Variants in SNX29 observed in about 807,000 individuals in gnomAD.
SNX29 encodes the protein sorting nexin-29.
In SNX29, 78 loss-of-function variants were observed where a neutral mutation model predicts 102.1. The ratio of observed to expected loss-of-function variants is 0.76; its 90% CI spans 0.64 to 0.92. SNX29 has a LOEUF of 0.92. Ranked by LOEUF, SNX29 falls within the 40% of genes least tolerant of loss-of-function variation. The probability of loss-of-function intolerance (pLI) is 0.00; values close to 1 mark genes in which losing one functional copy is unlikely to be tolerated. For missense variants in SNX29, 1,280 were observed against 1,061.7 expected (o/e 1.21, Z -2.86); for synonymous variants, 580 against 414.5 (o/e 1.40, Z -4.85).
chr16:12,368,926 G>T (rs1392990826), intron 16 of SNX29, among the ~76,000 whole-genome samples: 3 of 152,158 alleles, frequency 2.0e-5, no homozygotes, highest in African/African-American at 7.2e-5. Context: ...CGGGTGCACA[G>T]ATATGGATTC....
chr16:12,438,450 C>T (rs938097052), intron 18 of SNX29, among the ~76,000 whole-genome samples: 1 of 152,202 alleles, frequency 6.6e-6, no homozygotes, highest in Non-Finnish European at 1.5e-5. Flanking sequence ...CAGCCCAGGA[C>T]CCCTTTACTC....
intron 20 of SNX29, among the ~76,000 whole-genome samples, chr16:12,564,769 T>A (rs2078922166): frequency 6.6e-6 from 1 of 151,842 alleles, no homozygotes; most frequent in Non-Finnish European, 1.5e-5. Flanking sequence ...GTGATTGGCT[T>A]TATGATTGCA....
At chr16:12,086,073 G>T (rs1241766793) in intron 11 of SNX29, among the ~76,000 whole-genome samples, 1 of 147,654 alleles carries the variant, frequency 6.8e-6, no homozygotes, top group Non-Finnish European at 1.5e-5. Flanking sequence ...GCGTGATCTC[G>T]GCTCAGTGCA....
intron 20 of SNX29, among the ~76,000 whole-genome samples, chr16:12,543,825 C>G (rs980346591): frequency 6.6e-6 from 1 of 152,208 alleles, no homozygotes; most frequent in African/African-American, 2.4e-5. Context: ...GACAGGGACA[C>G]CTTCGTATTT....
At chr16:12,489,013 C>T (rs7202077) in intron 19 of SNX29, among the ~76,000 whole-genome samples, 17 of 152,204 alleles carry the variant, frequency 1.1e-4, no homozygotes, top group African/African-American at 3.6e-4. Flanking sequence ...CTTGTATATC[C>T]TTATTTAGTC....
chr16:12,337,646 A>G (rs1471379783), intron 15 of SNX29, among the ~76,000 whole-genome samples: 6 of 152,144 alleles, frequency 3.9e-5, no homozygotes, highest in Admixed American at 2.6e-4. Context: ...CTAGTCACAT[A>G]TCTCACTTTG....
At chr16:12,532,118 C>T (rs968054783) in intron 20 of SNX29, among the ~76,000 whole-genome samples, 5 of 152,224 alleles carry the variant, frequency 3.3e-5, no homozygotes, top group Non-Finnish European at 1.5e-5. Context: ...TCTCATTAGT[C>T]AGGATTGCCT....
intron 16 of SNX29, among the ~76,000 whole-genome samples, chr16:12,363,106 G>A (rs2082353700): frequency 6.6e-6 from 1 of 152,204 alleles, no homozygotes; most frequent in African/African-American, 2.4e-5. Context: ...ATGGCCAGAA[G>A]GGAGGAGCAA....
At chr16:12,035,426 G>A (rs2057448236) in intron 4 of SNX29, among the ~76,000 whole-genome samples, 1 of 152,100 alleles carries the variant, frequency 6.6e-6, no homozygotes, top group African/African-American at 2.4e-5. Flanking sequence ...GTAAACTCTT[G>A]TAGGATGTGG....
chr16:12,222,509 G>C (rs926402512), intron 14 of SNX29, among the ~76,000 whole-genome samples: 2 of 152,204 alleles, frequency 1.3e-5, no homozygotes, highest in Non-Finnish European at 2.9e-5. Context: ...TTCTGGTGCA[G>C]GCAGGAAGAA....
Position 12,117,220 on chromosome 16 carries a change from T to C in SNX29, c.1403-9413T>C, listed in dbSNP as rs372448018. The stretch of plus-strand genomic sequence containing the variant: ...CGCGGATGAACCGTGGAAACAGGCA[T>C]GGTCAATACGTGCTTCAATGCGGAC... On this transcript the variant is annotated intron_variant, in intron 11 of 20. Coordinates refer to ENST00000566228, the MANE Select transcript of SNX29 (RefSeq NM_032167.5). Among the ~76,000 whole-genome samples the C allele has an allele frequency of 4.9e-3, 672 of 136,140 alleles. 8 individuals are homozygous for C. Among genetic ancestry groups the C allele is most frequent in the South Asian group, 0.01 (44 of 4,296 alleles). 89.3% of individuals were successfully genotyped at this position (136,140 alleles called of 152,430 possible). A position where few individuals can be genotyped will look rare whatever the true frequency, so the allele number is the denominator to read the frequency against.
intron 10 of SNX29, among the ~76,000 whole-genome samples, chr16:12,073,426 T>C (rs2051393514): frequency 6.6e-6 from 1 of 152,248 alleles, no homozygotes; most frequent in Admixed American, 6.5e-5. Context: ...CATTTCGTTA[T>C]GTACCCAGTA....
intron 17 of SNX29, among the ~76,000 whole-genome samples, 169 bp downstream of exon 17, chr16:12,398,670 C>A (rs575870736): frequency 6.6e-6 from 1 of 151,726 alleles, no homozygotes; most frequent in Non-Finnish European, 1.5e-5. Flanking sequence ...GCCTCAGTCT[C>A]GCCCTCAGAT....
intron 10 of SNX29, among the ~76,000 whole-genome samples, chr16:12,069,373 C>G (rs1381441065): frequency 2.0e-5 from 3 of 151,866 alleles, no homozygotes; most frequent in Non-Finnish European, 4.4e-5. Flanking sequence ...TCAAGCGATT[C>G]TCTTGCCTGA....
At chr16:12,185,507 C>T (rs1449804075) in intron 13 of SNX29, among the ~76,000 whole-genome samples, 2 of 152,222 alleles carry the variant, frequency 1.3e-5, no homozygotes, top group Non-Finnish European at 2.9e-5. Flanking sequence ...TTCAGTCAGC[C>T]AGGCCAGTGG....
chr16:12,216,254 G>A (rs766777623), intron 14 of SNX29, among the ~76,000 whole-genome samples: 1 of 152,190 alleles, frequency 6.6e-6, no homozygotes, highest in Non-Finnish European at 1.5e-5. Context: ...ATTTTTCCGA[G>A]TAGGTATGGC....
At chr16:12,013,706 A>G (rs754030669) in intron 3 of SNX29, among the ~76,000 whole-genome samples, 3 of 150,208 alleles carry the variant, frequency 2.0e-5, no homozygotes, top group Admixed American at 6.8e-5. Flanking sequence ...GTGCAGTGGC[A>G]TAATCTTGGC....
chr16:12,034,353 G>A (rs1249663929), intron 4 of SNX29, among the ~76,000 whole-genome samples: 4 of 152,166 alleles, frequency 2.6e-5, no homozygotes, highest in East Asian at 1.9e-4. Context: ...ATTCATGCAC[G>A]TGCCAATCAG....
intron 14 of SNX29, among the ~76,000 whole-genome samples, chr16:12,249,661 G>C (rs2078364832): frequency 6.6e-6 from 1 of 152,202 alleles, no homozygotes; most frequent in African/African-American, 2.4e-5. Context: ...GAGCTTTTCT[G>C]TGTCTCTGTT....
Sources: gnomAD v4.1 joint callset for allele counts (sites outside exome capture counted in the v4.1 genomes callset) on GRCh38, gnomAD v4.1.1 for gene constraint, MANE v1.5 for transcripts, NCBI Gene and HGNC (gene_info 2026-07-23, HGNC 2026-07-21) for gene names.